Variants in ZMIZ1 observed in about 807,000 individuals in gnomAD.
ZMIZ1 encodes the protein zinc finger MIZ domain-containing protein 1.
In ZMIZ1, 17 loss-of-function variants were observed where a neutral mutation model predicts 113.9. The ratio of observed to expected loss-of-function variants is 0.15; its 90% CI spans 0.10 to 0.22. The LOEUF is 0.22. Among genes scored for constraint, ZMIZ1 ranks in the 10% least tolerant of loss-of-function variants. The pLI is 1.00. For synonymous variants in ZMIZ1, 607 were observed against 603.1 expected, an observed-to-expected ratio of 1.01 and a Z score of -0.09; for missense variants, 1,059 against 1,477.8, an observed-to-expected ratio of 0.72 and a Z score of 4.65.
chr10:79,311,100 C>A lies in ZMIZ1; in HGVS notation c.3012C>A (p.Ser1004Arg), dbSNP rs775117040. The A allele has an allele frequency of 1.2e-6, 2 of 1,613,564 alleles. No homozygotes were observed. Among genetic ancestry groups the A allele is most frequent in the Non-Finnish European group, 8.5e-7 (1 of 1,180,040 alleles). Residue 1004 changes from serine (S) to arginine (R), a missense_variant, in exon 24 of 25, where the codon AGC (serine) becomes AGA (arginine). Around this residue, in one of 6 missense-constraint regions of ZMIZ1, gnomAD observed 225 missense variants for 276.0 expected, o/e 0.82. Transcript: ENST00000334512. Reference protein sequence around the residue: ...PQAAPSSHPHSDLTFNPSSAL... With the variant: ...PQAAPSSHPHRDLTFNPSSAL... ...CCGCTCCCAGCAGCCATCCACACAG[C>A]GACCTGACCTTTAACCCCTCCTCAG...
rs369335693 is a variant in ZMIZ1 at position 79,273,649 on chromosome 10, C to T, written c.281-3532C>T. Reference sequence around the variant, plus strand: ...CTGTGATTACAGGTGTGAGCCATCACGCCCAGCCCCTGCTTCTTGGTTTCT... The same window carrying T: ...CTGTGATTACAGGTGTGAGCCATCATGCCCAGCCCCTGCTTCTTGGTTTCT... On this transcript the variant is annotated intron_variant, in intron 7 of 24. Coordinates refer to ENST00000334512, the MANE Select transcript of ZMIZ1 (RefSeq NM_020338.4). Among the ~76,000 whole-genome samples the T allele has an allele frequency of 2.1e-4, 32 of 152,344 alleles. No individual in the cohort carries two copies. The East Asian group carries it at 3.7e-3, about 17-fold the overall frequency.
At chr10:79,207,271 A>T (rs942320437) in intron 5 of ZMIZ1, among the ~76,000 whole-genome samples, 1 of 152,212 alleles carries the variant, frequency 6.6e-6, no homozygotes, top group African/African-American at 2.4e-5. Context: ...AGGTGCCATC[A>T]TCTCTGCAGT....
intron 8 of ZMIZ1, among the ~76,000 whole-genome samples, chr10:79,288,763 C>T (rs527910274): frequency 9.9e-4 from 151 of 152,302 alleles, no homozygotes; most frequent in African/African-American, 3.5e-3. Context: ...ATCTGCTGGC[C>T]TCACTCTTGT....
chr10:79,175,583 CGTGTGTGTGTGTGTGTGTGT>C (rs757004699), intron 4 of ZMIZ1, among the ~76,000 whole-genome samples: 13 of 125,306 alleles, frequency 1.0e-4, no homozygotes, highest in African/African-American at 2.3e-4. Context: ...GTGCACTCTG[CGTGTGTGTGTGTGTGTGTGT>C]GTGTGTGTGT....
chr10:79,289,832 C>T lies in ZMIZ1; in HGVS notation c.483C>T (p.Pro161=), dbSNP rs572651020. 5.5e-4 allele frequency: 885 copies of T among 1,614,122 alleles called. 11 individuals carry two copies. In the South Asian group the frequency reaches 9.0e-3, roughly 16 times the overall value. ...VPWQQNTNQP[P]GSLSVVTTVW... ...GGCAGCAGAACACCAACCAGCCTCC[C>T]GGCTCCCTTTCCGTGGTCACCACGG... Residue 161 remains proline, a synonymous_variant, in exon 9 of 25, where the codon CCC becomes CCT. Transcript: ENST00000334512.
intron 3 of ZMIZ1, among the ~76,000 whole-genome samples, chr10:79,150,828 T>A (rs750423626): frequency 6.6e-6 from 1 of 151,974 alleles, no homozygotes; most frequent in Non-Finnish European, 1.5e-5. Flanking sequence ...GTCTCTCAGC[T>A]CTGCTCAGGG....
At chr10:79,073,112 A>G (rs1436290339) in intron 1 of ZMIZ1, among the ~76,000 whole-genome samples, 1 of 152,276 alleles carries the variant, frequency 6.6e-6, no homozygotes, top group East Asian at 1.9e-4. Context: ...GAGATGGGCG[A>G]GAGGACCAAG....
intron 8 of ZMIZ1, among the ~76,000 whole-genome samples, chr10:79,283,806 G>T (rs570566600): frequency 6.6e-6 from 1 of 152,232 alleles, no homozygotes; most frequent in East Asian, 1.9e-4. Flanking sequence ...AAGTTTCACC[G>T]CAGGGAGGGA....
At chr10:79,098,364 A>G (rs1466469864) in intron 1 of ZMIZ1, among the ~76,000 whole-genome samples, 2 of 152,208 alleles carry the variant, frequency 1.3e-5, no homozygotes, top group Non-Finnish European at 2.9e-5. Flanking sequence ...GGAGCTAGAC[A>G]GGCAGGCTCC....
intron 1 of ZMIZ1, among the ~76,000 whole-genome samples, chr10:79,075,190 C>G (rs1385032711): frequency 5.3e-5 from 8 of 152,114 alleles, no homozygotes; most frequent in Non-Finnish European, 1.2e-4. Flanking sequence ...TGGTGGGTGT[C>G]GTGTTTTTCT....
At chr10:79,133,312 C>T (rs982357870) in intron 2 of ZMIZ1, among the ~76,000 whole-genome samples, 1 of 152,228 alleles carries the variant, frequency 6.6e-6, no homozygotes, top group Admixed American at 6.5e-5. Flanking sequence ...TCTGTACTCT[C>T]ACAGCATTGG....
intron 2 of ZMIZ1, among the ~76,000 whole-genome samples, chr10:79,120,075 A>G (rs1014020721): frequency 2.6e-5 from 4 of 152,142 alleles, no homozygotes; most frequent in Admixed American, 6.5e-5. Flanking sequence ...GGAGGTGACC[A>G]CAAGTGAGTT....
At chr10:79,180,907 T>G (rs965124635) in intron 4 of ZMIZ1, among the ~76,000 whole-genome samples, 2 of 152,224 alleles carry the variant, frequency 1.3e-5, no homozygotes, top group African/African-American at 4.8e-5. Flanking sequence ...ACCCCCAGCT[T>G]CTGCTCCAGC....
intron 7 of ZMIZ1, among the ~76,000 whole-genome samples, chr10:79,254,523 G>T (rs944445500): frequency 6.6e-6 from 1 of 152,242 alleles, no homozygotes; most frequent in Non-Finnish European, 1.5e-5. Flanking sequence ...ATCCACCCAC[G>T]ATGGGGCCTG....
At chr10:79,247,095 C>T (rs1237265738) in intron 7 of ZMIZ1, among the ~76,000 whole-genome samples, 1 of 152,242 alleles carries the variant, frequency 6.6e-6, no homozygotes, top group Non-Finnish European at 1.5e-5. Flanking sequence ...CTTGCTGCCG[C>T]CTCCAGCTCC....
chr10:79,227,831 G>A (rs1445779961), intron 7 of ZMIZ1, among the ~76,000 whole-genome samples: 1 of 152,184 alleles, frequency 6.6e-6, no homozygotes, highest in African/African-American at 2.4e-5. Context: ...GGGTAAATGG[G>A]GTCTCCAAGA....
At chr10:79,267,514 G>A (rs2131932164) in intron 7 of ZMIZ1, among the ~76,000 whole-genome samples, 1 of 152,254 alleles carries the variant, frequency 6.6e-6, no homozygotes, top group East Asian at 1.9e-4. Context: ...AATCCTCATG[G>A]TAATTTAGGT....
At chr10:79,075,885 A>G (rs954042529) in intron 1 of ZMIZ1, among the ~76,000 whole-genome samples, 4 of 152,096 alleles carry the variant, frequency 2.6e-5, no homozygotes, top group Non-Finnish European at 1.5e-5. Flanking sequence ...TTAAATGGAG[A>G]TCTGTCCTCT....
At chr10:79,100,797 C>T (rs1001968733) in intron 1 of ZMIZ1, among the ~76,000 whole-genome samples, 5 of 152,104 alleles carry the variant, frequency 3.3e-5, no homozygotes, top group African/African-American at 4.8e-5. Context: ...TGGTGGTCAT[C>T]GGGGGCACTG....
Sources: allele counts gnomAD v4.1 joint callset (sites outside exome capture counted in the v4.1 genomes callset), GRCh38; gene constraint gnomAD v4.1.1; regional missense constraint gnomAD v4.1.1; transcripts MANE v1.5; gene names NCBI Gene and HGNC (gene_info 2026-07-23, HGNC 2026-07-21).